The following PXMP4 variants were observed in gnomAD, a reference collection of about 807,000 sequenced individuals.
PXMP4 encodes 24 kDa peroxisomal intrinsic membrane protein.
Under a neutral mutation model 21.6 loss-of-function variants are expected in PXMP4, and 16 were observed. The ratio of observed to expected loss-of-function variants is 0.74; its 90% CI spans 0.50 to 1.13. The LOEUF (loss-of-function observed/expected upper bound fraction) is 1.13, where lower values mean the gene tolerates loss of function less well. Ranked by LOEUF, PXMP4 falls within the 50% of genes most tolerant of loss-of-function variation. The probability of loss-of-function intolerance (pLI) is 0.00; values close to 1 mark genes in which losing one functional copy is unlikely to be tolerated. For synonymous variants in PXMP4, 127 were observed against 123.8 expected (o/e 1.03, Z -0.17); for missense variants, 240 against 277.7 (o/e 0.86, Z 0.96).
chr20:33,704,710 C>T lies in PXMP4; in HGVS notation c.*2996G>A, dbSNP rs2018239427. 1 of 152,164 alleles carries T rather than the reference C, an allele frequency of 6.6e-6. No individual in the cohort carries two copies. Among genetic ancestry groups the T allele is most frequent in the South Asian group, 2.1e-4 (1 of 4,824 alleles). The allele number at this position is 152,164 out of a possible 1,614,324, so 9.4% of individuals were successfully genotyped here. ...TAATAATGGACGGCTCCATATCATT[C>T]CCCACCCCCTTGTTACTCAGAGCAG... On this transcript the variant is annotated 3_prime_UTR_variant, in exon 4 of 4. Transcript: ENST00000409299.
At position 33,720,235 on chromosome 20, in the gene PXMP4, T is replaced by A; in HGVS notation, c.-28A>T. The A allele has an allele frequency of 6.3e-7, 1 of 1,584,174 alleles. No individual in the cohort carries two copies. Among genetic ancestry groups the A allele is most frequent in the Admixed American group, 1.8e-5 (1 of 56,966 alleles). On this transcript the variant is annotated 5_prime_UTR_variant, in exon 1 of 4. Coordinates refer to ENST00000409299, the MANE Select transcript of PXMP4 (RefSeq NM_007238.5). The stretch of plus-strand genomic sequence containing the variant: ...TGCGGGCTGCGCGCAGGGTCGGGGT[T>A]AGGAACTGTAAGCGCACTGACAGCC...
In PXMP4 at chr20:33,702,927, C is replaced by T. The variant is rs974991752; in HGVS notation, c.*4779G>A. The T allele has an allele frequency of 1.3e-5, 2 of 152,278 alleles. No individual in the cohort carries two copies. The highest frequency in any genetic ancestry group is 1.3e-4 in the Admixed American group (2 of 15,292). The allele number at this position is 152,278 out of a possible 1,614,324, so 9.4% of individuals were successfully genotyped here. On this transcript the variant is annotated 3_prime_UTR_variant, in exon 4 of 4. Transcript: ENST00000409299. ...CTCTGGCCATCCCTGTTTTACAGGT[C>T]TTAGAGAATGGAGGGCAGCTAGGAA...
chr20:33,717,274 T>G (rs1190305904), intron 1 of PXMP4, among the ~76,000 whole-genome samples: 3 of 152,206 alleles, frequency 2.0e-5, no homozygotes, highest in Non-Finnish European at 4.4e-5. Flanking sequence ...TAGATATAAT[T>G]TATTTTTGCT....
Position 33,703,099 on chromosome 20 carries a change from C to G in PXMP4, c.*4607G>C, listed in dbSNP as rs1431077542. The G allele has an allele frequency of 6.6e-6, 1 of 152,222 alleles. No homozygotes were observed. Among genetic ancestry groups the G allele is most frequent in the African/African-American group, 2.4e-5 (1 of 41,440 alleles). The allele number at this position is 152,222 out of a possible 1,614,324, so 9.4% of individuals were successfully genotyped here. ...AGAGAGATGCCATCTGTGAGGGAAA[C>G]CTATTCTTAGAGAGCAGAGACAGTC... On this transcript the variant is annotated 3_prime_UTR_variant, in exon 4 of 4. Coordinates refer to ENST00000409299, the MANE Select transcript of PXMP4 (RefSeq NM_007238.5).
chr20:33,710,679 G>A lies in PXMP4; in HGVS notation c.251C>T (p.Thr84Ile). 3 of 1,613,914 alleles carry A rather than the reference G, an allele frequency of 1.9e-6. No homozygotes were observed. The highest frequency in any genetic ancestry group is 2.5e-6 in the Non-Finnish European group (3 of 1,179,928). Residue 84 changes from threonine (T) to isoleucine (I), a missense_variant, in exon 3 of 4, where the codon ACC (threonine) becomes ATC (isoleucine). By Grantham distance (89) the Thr-to-Ile change is moderately conservative. Transcript: ENST00000409299. ...HSWNLARFVF[T>I]YKGLRALQSY... is the part of the protein sequence containing the mutation. The stretch of plus-strand genomic sequence containing the variant: ...CTGCAGGGCACGGAGACCCTTGTAG[G>A]TGAACACAAACCGTGCCAGGTTCCA...
At position 33,704,774 on chromosome 20, in the gene PXMP4, AC is replaced by A. The variant is rs972561159; in HGVS notation, c.*2931del. The A allele has an allele frequency of 8.6e-5, 13 of 151,996 alleles. No homozygotes were observed. The highest frequency in any genetic ancestry group is 2.7e-4 in the African/African-American group (11 of 41,490). 9.4% of individuals were successfully genotyped at this position (151,996 alleles called of 1,614,324 possible). On this transcript the variant is annotated 3_prime_UTR_variant, in exon 4 of 4. Transcript: ENST00000409299. Reference sequence around the variant, plus strand: ...ACCAGGGAGCCTGGGAGAAATGCAGACTCTCAGGCCCCACCCCAGCTCACTG... The same window carrying A: ...ACCAGGGAGCCTGGGAGAAATGCAGATCTCAGGCCCCACCCCAGCTCACTG...
rs1490830108 is a variant in PXMP4 at position 33,707,054 on chromosome 20, A to AT, written c.*651dup. On this transcript the variant is annotated 3_prime_UTR_variant, in exon 4 of 4. Coordinates refer to ENST00000409299, the MANE Select transcript of PXMP4 (RefSeq NM_007238.5). The stretch of plus-strand genomic sequence containing the variant: ...TGATGGAACCCGGCTAATTTTTTGT[A>AT]TTTTTTGTAGAAACTGGGTTTCACC... 2.6e-5 allele frequency: 4 copies of AT among 151,798 alleles called. No homozygotes were observed. Among genetic ancestry groups the AT allele is most frequent in the Non-Finnish European group, 4.4e-5 (3 of 67,982 alleles). The allele number at this position is 151,798 out of a possible 1,614,324, so 9.4% of individuals were successfully genotyped here. A position where few individuals can be genotyped will look rare whatever the true frequency, so the allele number is the denominator to read the frequency against.
chr20:33,719,650 G>A (rs1278469294), intron 1 of PXMP4, among the ~76,000 whole-genome samples: 1 of 152,196 alleles, frequency 6.6e-6, no homozygotes, highest in African/African-American at 2.4e-5. Context: ...CTACAGGTGA[G>A]AAGTGAGAAG....
intron 3 of PXMP4, among the ~76,000 whole-genome samples, chr20:33,709,668 C>G (rs984659451): frequency 2.0e-5 from 3 of 151,870 alleles, no homozygotes; most frequent in Admixed American, 6.6e-5. Context: ...TAATCACCTC[C>G]ACCCCAACCT....
At position 33,720,233 on chromosome 20, in the gene PXMP4, G is replaced by A. The variant is rs750433333; in HGVS notation, c.-26C>T. 4 of 1,585,082 alleles carry A rather than the reference G, an allele frequency of 2.5e-6. No individual in the cohort carries two copies. In the African/African-American group the frequency reaches 5.4e-5, roughly 21 times the overall value. ...AGTGCGGGCTGCGCGCAGGGTCGGG[G>A]TTAGGAACTGTAAGCGCACTGACAG... On this transcript the variant is annotated 5_prime_UTR_variant, in exon 1 of 4. Transcript: ENST00000409299.
At chr20:33,712,774 G>A (rs1321978676) in intron 2 of PXMP4, among the ~76,000 whole-genome samples, 1 of 152,262 alleles carries the variant, frequency 6.6e-6, no homozygotes, top group Non-Finnish European at 1.5e-5. Flanking sequence ...GGGACCACAG[G>A]TGTGCGCCGC....
In PXMP4 at chr20:33,703,070, A is replaced by C. The variant is rs1410655959; in HGVS notation, c.*4636T>G. ...TGGAAGCACCAGATGCTCTAGCAGC[A>C]TCCAGAGAGATGCCATCTGTGAGGG... On this transcript the variant is annotated 3_prime_UTR_variant, in exon 4 of 4. Coordinates refer to ENST00000409299, the MANE Select transcript of PXMP4 (RefSeq NM_007238.5). 6.6e-6 allele frequency: 1 copy of C among 152,260 alleles called. No homozygotes were observed. Among genetic ancestry groups the C allele is most frequent in the Non-Finnish European group, 1.5e-5 (1 of 68,066 alleles). 9.4% of individuals were successfully genotyped at this position (152,260 alleles called of 1,614,324 possible).
chr20:33,717,588 C>T (rs540162322), intron 1 of PXMP4, among the ~76,000 whole-genome samples: 7 of 137,092 alleles, frequency 5.1e-5, no homozygotes, highest in African/African-American at 1.4e-4. Context: ...TGCAGTGAGC[C>T]GAGATCGCGC....
rs2018225630 is a variant in PXMP4 at position 33,703,452 on chromosome 20, A to G, written c.*4254T>C. ...GTGGGGCCAGGGCTTGAGCCCAGGCACTCTGGCTCCAAAGCCTATGTCCCT... is the reference window on the plus strand; with the variant it reads ...GTGGGGCCAGGGCTTGAGCCCAGGCGCTCTGGCTCCAAAGCCTATGTCCCT... On this transcript the variant is annotated 3_prime_UTR_variant, in exon 4 of 4. Transcript: ENST00000409299. 1 of 152,234 alleles carries G rather than the reference A, an allele frequency of 6.6e-6. No individual in the cohort carries two copies. The highest frequency in any genetic ancestry group is 2.4e-5 in the African/African-American group (1 of 41,452). The allele number at this position is 152,234 out of a possible 1,614,324, so 9.4% of individuals were successfully genotyped here.
intron 1 of PXMP4, 70 bp from the exon 2 acceptor site, chr20:33,714,806 G>C (rs1212596554): frequency 3.8e-5 from 57 of 1,488,760 alleles, no homozygotes; most frequent in Non-Finnish European, 5.3e-5. Context: ...CTGTCCTTTT[G>C]ACCCCTTGTT....
At chr20:33,714,262 G>A (rs1311425219) in intron 2 of PXMP4, among the ~76,000 whole-genome samples, 2 of 152,060 alleles carry the variant, frequency 1.3e-5, no homozygotes, top group African/African-American at 2.4e-5. Flanking sequence ...GGCCGGGCAC[G>A]GTGACTCACA....
At chr20:33,708,557 C>A (rs1439806584) in intron 3 of PXMP4, among the ~76,000 whole-genome samples, 2 of 150,224 alleles carry the variant, frequency 1.3e-5, no homozygotes, top group Non-Finnish European at 3.0e-5. Context: ...AAAAAAAAAA[C>A]TTTAGAGATA....
At chr20:33,717,572 G>A (rs1047112590) in intron 1 of PXMP4, among the ~76,000 whole-genome samples, 7 of 140,772 alleles carry the variant, frequency 5.0e-5, no homozygotes, top group African/African-American at 1.9e-4. Flanking sequence ...CCCGGGAGGC[G>A]GAGCTTGCAG....
At chr20:33,710,480 C>T (rs13042148) in intron 3 of PXMP4, 75 bp downstream of exon 3, 12,984 of 328,646 alleles carry the variant, frequency 0.04, 681 homozygotes, top group Middle Eastern at 0.053. Context: ...TACTGAACCA[C>T]GCCCCCTTCT....
Sources: allele counts gnomAD v4.1 joint callset (sites outside exome capture counted in the v4.1 genomes callset), GRCh38; gene constraint gnomAD v4.1.1; transcripts MANE v1.5; gene names NCBI Gene and HGNC (gene_info 2026-07-23, HGNC 2026-07-21).